The following GRIK2 variants were observed in gnomAD, a reference collection of about 807,000 sequenced individuals.
The protein encoded by GRIK2 is glutamate receptor ionotropic, kainate 2.
A neutral mutation model predicts 100.3 loss-of-function variants in GRIK2; 32 were observed. The ratio of observed to expected loss-of-function variants is 0.32; its 90% confidence interval spans 0.24 to 0.43. The LOEUF (loss-of-function observed/expected upper bound fraction) is 0.43. GRIK2 is among the 20% of genes least tolerant of loss of function. The pLI, the probability that GRIK2 is intolerant of heterozygous loss-of-function variation, is 1.00. For synonymous variants in GRIK2, 417 were observed against 389.4 expected, an observed-to-expected ratio of 1.07 and a Z score of -0.83; for missense variants, 843 against 1,114.9, an observed-to-expected ratio of 0.76 and a Z score of 3.47.
intron 9 of GRIK2, among the ~76,000 whole-genome samples, chr6:101,808,025 G>C (rs948185278): frequency 6.6e-6 from 1 of 151,966 alleles, no homozygotes; most frequent in Non-Finnish European, 1.5e-5. Flanking sequence ...TTGTTGTTTA[G>C]AATGTGTAAC....
intron 2 of GRIK2, among the ~76,000 whole-genome samples, chr6:101,408,590 GA>G (rs1315644310): frequency 1.3e-5 from 2 of 152,008 alleles, no homozygotes; most frequent in Non-Finnish European, 2.9e-5. Flanking sequence ...AAGAAAAAAA[GA>G]AAAAGAAAAC....
At chr6:101,955,652 G>A (rs1182740784) in intron 14 of GRIK2, among the ~76,000 whole-genome samples, 5 of 139,872 alleles carry the variant, frequency 3.6e-5, no homozygotes, top group African/African-American at 1.1e-4. Context: ...TTGGTAGTTT[G>A]TGTTTTTTAA....
At chr6:101,661,953 T>A (rs1320133755) in intron 4 of GRIK2, among the ~76,000 whole-genome samples, 1 of 152,084 alleles carries the variant, frequency 6.6e-6, no homozygotes, top group Non-Finnish European at 1.5e-5. Flanking sequence ...AACAAGAAAA[T>A]TTGTTTATAT....
At chr6:101,636,255 A>G (rs1301521823) in intron 4 of GRIK2, among the ~76,000 whole-genome samples, 1 of 152,194 alleles carries the variant, frequency 6.6e-6, no homozygotes, top group Non-Finnish European at 1.5e-5. Flanking sequence ...ACAAGAACAG[A>G]AAACCAAACA....
intron 7 of GRIK2, among the ~76,000 whole-genome samples, chr6:101,715,857 C>CA (rs765863894): frequency 1.3e-5 from 2 of 151,820 alleles, no homozygotes; most frequent in Non-Finnish European, 2.9e-5. Flanking sequence ...AACAAGTCAT[C>CA]ACTGACCCTA....
chr6:101,670,419 G>A (rs1438554926), intron 4 of GRIK2, among the ~76,000 whole-genome samples: 1 of 152,112 alleles, frequency 6.6e-6, no homozygotes, highest in African/African-American at 2.4e-5. Context: ...TGCCAGCAGA[G>A]ATGTATGAGT....
intron 4 of GRIK2, among the ~76,000 whole-genome samples, chr6:101,658,056 A>C (rs774561419): frequency 2.0e-5 from 3 of 152,030 alleles, no homozygotes; most frequent in Non-Finnish European, 1.5e-5. Flanking sequence ...AAATTTATTA[A>C]TTTATTTATT....
chr6:101,717,063 C>T (rs989616437), intron 7 of GRIK2, among the ~76,000 whole-genome samples: 5 of 151,814 alleles, frequency 3.3e-5, no homozygotes, highest in African/African-American at 9.7e-5. Context: ...CAAATTAGCA[C>T]TTTACTTCCA....
intron 2 of GRIK2, among the ~76,000 whole-genome samples, chr6:101,599,310 G>T (rs1052309536): frequency 6.6e-6 from 1 of 151,564 alleles, no homozygotes; most frequent in Non-Finnish European, 1.5e-5. Flanking sequence ...TTCTTGATCA[G>T]TCCCCTATTG....
intron 2 of GRIK2, among the ~76,000 whole-genome samples, chr6:101,557,039 A>G (rs1776782627): frequency 6.6e-6 from 1 of 152,076 alleles, no homozygotes; most frequent in African/African-American, 2.4e-5. Flanking sequence ...ACTCTCTTTT[A>G]GGTGTTTCAT....
At chr6:101,691,820 T>G (rs1772118406) in intron 7 of GRIK2, among the ~76,000 whole-genome samples, 1 of 152,056 alleles carries the variant, frequency 6.6e-6, no homozygotes, top group Non-Finnish European at 1.5e-5. Context: ...ATGAGCATCT[T>G]GTATATACAT....
intron 14 of GRIK2, among the ~76,000 whole-genome samples, chr6:101,981,666 G>A (rs553375539): frequency 3.3e-5 from 5 of 151,992 alleles, no homozygotes; most frequent in African/African-American, 1.2e-4. Flanking sequence ...AATCAAGAAA[G>A]GAGGGAGATG....
intron 11 of GRIK2, among the ~76,000 whole-genome samples, chr6:101,866,213 A>G (rs1342098565): frequency 2.6e-5 from 4 of 152,186 alleles, no homozygotes; most frequent in African/African-American, 7.2e-5. Context: ...ATATAAAACT[A>G]CATTTTCCTC....
intron 7 of GRIK2, among the ~76,000 whole-genome samples, chr6:101,743,159 C>A (rs1466913352): frequency 2.6e-5 from 4 of 152,136 alleles, no homozygotes; most frequent in African/African-American, 9.7e-5. Flanking sequence ...ACCAGCCCAA[C>A]TGGAGGGTTA....
At chr6:101,475,299 A>T (rs1772171135) in intron 2 of GRIK2, among the ~76,000 whole-genome samples, 1 of 151,972 alleles carries the variant, frequency 6.6e-6, no homozygotes, top group African/African-American at 2.4e-5. Flanking sequence ...CTTGGTGAGC[A>T]AGCACATCAC....
chr6:101,617,779 T>C (rs1371522080), intron 2 of GRIK2, among the ~76,000 whole-genome samples: 1 of 151,726 alleles, frequency 6.6e-6, no homozygotes, highest in Non-Finnish European at 1.5e-5. Context: ...TTCTGTTGGT[T>C]TGACTGCCAT....
intron 10 of GRIK2, among the ~76,000 whole-genome samples, chr6:101,852,197 AAC>A (rs1784172976): frequency 6.6e-6 from 1 of 152,156 alleles, no homozygotes; most frequent in Non-Finnish European, 1.5e-5. Context: ...AACAAAACAA[AAC>A]AAACTCTGTA....
At chr6:101,717,439 A>G (rs1048134149) in intron 7 of GRIK2, among the ~76,000 whole-genome samples, 5 of 151,854 alleles carry the variant, frequency 3.3e-5, no homozygotes, top group African/African-American at 4.8e-5. Context: ...AGCCTAAACT[A>G]CTAATTTTTG....
At position 101,622,072 on chromosome 6, in the gene GRIK2, C is replaced by A; in HGVS notation, c.239C>A (p.Thr80Asn). 2 of 1,601,562 alleles carry A rather than the reference C, an allele frequency of 1.2e-6. No individual in the cohort carries two copies. The highest frequency in any genetic ancestry group is 1.7e-6 in the Non-Finnish European group (2 of 1,168,938). ...CCCAATACTACCCTTACCTATGATA[C>A]CCAGAAGATAAACCTTTATGATAGT... The part of the protein sequence containing the change: ...LLPNTTLTYD[T>N]QKINLYDSFE... Residue 80 changes from threonine to asparagine, a missense_variant, in exon 3 of 17, where the codon ACC becomes AAC. Coordinates refer to ENST00000369134, the MANE Select transcript of GRIK2 (RefSeq NM_021956.5).
Sources: allele counts gnomAD v4.1 joint callset (sites outside exome capture counted in the v4.1 genomes callset), GRCh38; gene constraint gnomAD v4.1.1; transcripts MANE v1.5; gene names NCBI Gene and HGNC (gene_info 2026-07-23, HGNC 2026-07-21).